The following CSGALNACT1 variants were observed in gnomAD, a reference collection of about 807,000 sequenced individuals.
The protein encoded by CSGALNACT1 is chondroitin sulfate N-acetylgalactosaminyltransferase 1, also known as beta4GalNAcT-1.
CSGALNACT1 carries 52 observed loss-of-function variants against 51.0 expected under a neutral mutation model. The observed-to-expected ratio is 1.02, with a 90% confidence interval of 0.82 to 1.29. The LOEUF is 1.29. Among genes scored for constraint, CSGALNACT1 ranks in the 50% most tolerant of loss-of-function variants. The pLI, the probability that CSGALNACT1 is intolerant of heterozygous loss-of-function variation, is 0.00. For missense variants in CSGALNACT1, 935 were observed against 679.2 expected (o/e 1.38, Z -4.19); for synonymous variants, 341 against 254.4 (o/e 1.34, Z -3.24).
intron 1 of CSGALNACT1, among the ~76,000 whole-genome samples, chr8:19,672,703 G>A (rs1296055208): frequency 1.2e-4 from 12 of 98,736 alleles, no homozygotes; most frequent in African/African-American, 2.3e-4. Context: ...CCAACATTCC[G>A]AATTCCAACC....
chr8:19,630,057 G>A lies in CSGALNACT1; in HGVS notation c.-543-28192C>T, dbSNP rs534531105. On this transcript the variant is annotated intron_variant, in intron 1 of 9. Coordinates refer to the CSGALNACT1 transcript ENST00000332246. The stretch of plus-strand genomic sequence containing the variant: ...CCCATGGATGCTATGGCAGAGCAAC[G>A]TGGAAAAACTGGGCAGGCCTCTACC... 6.6e-5 allele frequency among the ~76,000 whole-genome samples: 10 copies of A among 152,202 alleles called. No individual in the cohort carries two copies. The South Asian group carries it at 1.9e-3, about 28-fold the overall frequency.
At chr8:19,637,269 C>T (rs1433774804) in intron 1 of CSGALNACT1, among the ~76,000 whole-genome samples, 1 of 152,164 alleles carries the variant, frequency 6.6e-6, no homozygotes, top group Non-Finnish European at 1.5e-5. Flanking sequence ...TTTCCCTTTT[C>T]TAGTTGGTAG....
intron 1 of CSGALNACT1, among the ~76,000 whole-genome samples, chr8:19,671,940 C>A (rs536395384): frequency 4.1e-4 from 63 of 152,218 alleles, no homozygotes; most frequent in African/African-American, 1.5e-3. Context: ...CACATATGCA[C>A]CATAATTAAC....
chr8:19,590,416 T>A (rs2047556926), intron 3 of CSGALNACT1, among the ~76,000 whole-genome samples: 1 of 152,190 alleles, frequency 6.6e-6, no homozygotes, highest in South Asian at 2.1e-4. Context: ...ACTGCCCTTT[T>A]AGTGGTTTCT....
chr8:19,408,379 G>C (rs1352123861), intron 9 of CSGALNACT1, among the ~76,000 whole-genome samples: 4 of 147,718 alleles, frequency 2.7e-5, no homozygotes, highest in Non-Finnish European at 4.5e-5. Flanking sequence ...AGTTGGTCTT[G>C]AACTCCTGGC....
intron 3 of CSGALNACT1, among the ~76,000 whole-genome samples, chr8:19,542,262 T>G (rs2085384814): frequency 6.7e-6 from 1 of 150,312 alleles, no homozygotes; most frequent in South Asian, 2.1e-4. Flanking sequence ...TGAAGCCTGT[T>G]AGTTAAGCTC....
chr8:19,613,287 T>C (rs1424044812), intron 1 of CSGALNACT1, among the ~76,000 whole-genome samples: 10 of 152,212 alleles, frequency 6.6e-5, no homozygotes, highest in Non-Finnish European at 4.4e-5. Flanking sequence ...TTCTATTTAG[T>C]GCTTTGTTTT....
At chr8:19,669,745 G>C (rs2059646485) in intron 1 of CSGALNACT1, among the ~76,000 whole-genome samples, 1 of 152,178 alleles carries the variant, frequency 6.6e-6, no homozygotes, top group South Asian at 2.1e-4. Flanking sequence ...AAAGTGCTGG[G>C]ATTACAGGCA....
chr8:19,557,863 C>T (rs2154092574), intron 3 of CSGALNACT1, among the ~76,000 whole-genome samples: 1 of 152,360 alleles, frequency 6.6e-6, no homozygotes, highest in South Asian at 2.1e-4. Flanking sequence ...CTTCTCAGTA[C>T]ATACAACAGT....
At chr8:19,576,989 G>A (rs1406044283) in intron 3 of CSGALNACT1, among the ~76,000 whole-genome samples, 1 of 151,952 alleles carries the variant, frequency 6.6e-6, no homozygotes, top group Non-Finnish European at 1.5e-5. Context: ...AATTACATGA[G>A]CAACCCTCTC....
intron 3 of CSGALNACT1, among the ~76,000 whole-genome samples, chr8:19,512,159 C>T (rs1419546573): frequency 1.3e-5 from 2 of 152,182 alleles, no homozygotes; most frequent in African/African-American, 2.4e-5. Flanking sequence ...GTCTTGGGTG[C>T]CCTCTCTCCC....
chr8:19,421,432 G>T (rs2057913280), intron 6 of CSGALNACT1, among the ~76,000 whole-genome samples: 1 of 152,200 alleles, frequency 6.6e-6, no homozygotes, highest in African/African-American at 2.4e-5. Flanking sequence ...GACAGGTATT[G>T]TCTTCTACCA....
chr8:19,656,850 A>G (rs1478327846), intron 1 of CSGALNACT1, among the ~76,000 whole-genome samples: 202 of 152,182 alleles, frequency 1.3e-3, no homozygotes, highest in African/African-American at 4.6e-3. Flanking sequence ...CGTGGATCAC[A>G]AGGTCAGGAG....
At chr8:19,414,887 G>C (rs115064306) in intron 8 of CSGALNACT1, among the ~76,000 whole-genome samples, 1 of 152,174 alleles carries the variant, frequency 6.6e-6, no homozygotes, top group Non-Finnish European at 1.5e-5. Context: ...TCAAGACTGA[G>C]TCAGAACGTA....
chr8:19,554,655 T>C (rs934752092), intron 3 of CSGALNACT1, among the ~76,000 whole-genome samples: 4 of 127,168 alleles, frequency 3.1e-5, no homozygotes, highest in Non-Finnish European at 6.6e-5. Flanking sequence ...CAGTGGCTCA[T>C]GCCTAAAATT....
At chr8:19,437,499 G>C (rs1372023391) in intron 6 of CSGALNACT1, among the ~76,000 whole-genome samples, 1 of 152,146 alleles carries the variant, frequency 6.6e-6, no homozygotes, top group African/African-American at 2.4e-5. Context: ...ATTCCTAGGA[G>C]AGGTGGCCTG....
intron 4 of CSGALNACT1, among the ~76,000 whole-genome samples, chr8:19,473,790 T>TG (rs1481071510): frequency 6.6e-6 from 1 of 152,192 alleles, no homozygotes; most frequent in Non-Finnish European, 1.5e-5. Flanking sequence ...ACTGGATATT[T>TG]GGGGAAAATA....
chr8:19,754,893 T>C (rs1037785570), intron 1 of CSGALNACT1, among the ~76,000 whole-genome samples: 3 of 152,166 alleles, frequency 2.0e-5, no homozygotes, highest in Non-Finnish European at 4.4e-5. Context: ...GCAAAATCAA[T>C]AGGTAATAAA....
intron 1 of CSGALNACT1, among the ~76,000 whole-genome samples, chr8:19,657,604 T>A (rs181705613): frequency 6.6e-6 from 1 of 152,164 alleles, no homozygotes; most frequent in East Asian, 1.9e-4. Context: ...AAATCCAGTA[T>A]AAAATACCTT....
Sources: gnomAD v4.1 joint callset for allele counts (sites outside exome capture counted in the v4.1 genomes callset) on GRCh38, gnomAD v4.1.1 for gene constraint, MANE v1.5 for transcripts, NCBI Gene and HGNC (gene_info 2026-07-23, HGNC 2026-07-21) for gene names.